The following SYN3 variants were observed in gnomAD, a reference collection of about 807,000 sequenced individuals.
SYN3 encodes synapsin-3.
A neutral mutation model predicts 65.8 loss-of-function variants in SYN3; 35 were observed. The ratio of observed to expected loss-of-function variants is 0.53; its 90% CI spans 0.41 to 0.70. The LOEUF (loss-of-function observed/expected upper bound fraction) is 0.70, where lower values mean the gene tolerates loss of function less well. Ranked by LOEUF, SYN3 falls within the 30% of genes least tolerant of loss-of-function variation. The pLI, the probability that SYN3 is intolerant of heterozygous loss-of-function variation, is 0.00. For missense variants in SYN3, 680 were observed against 749.0 expected (o/e 0.91, Z 1.08); for synonymous variants, 270 against 292.9 (o/e 0.92, Z 0.80).
chr22:32,914,457 A>G (rs1001165275), intron 4 of SYN3, among the ~76,000 whole-genome samples: 38 of 97,202 alleles, frequency 3.9e-4, no homozygotes, highest in African/African-American at 1.4e-3. Context: ...TTTTTTTTTG[A>G]GACGGAGTCT....
intron 6 of SYN3, among the ~76,000 whole-genome samples, chr22:32,734,802 C>CCT (rs563668233): frequency 8.5e-4 from 130 of 152,296 alleles, no homozygotes; most frequent in African/African-American, 3.0e-3. Context: ...GTTTCTACTA[C>CCT]CTGTTATCCA....
At chr22:32,657,874 C>T (rs1025102637) in intron 6 of SYN3, among the ~76,000 whole-genome samples, 6 of 152,336 alleles carry the variant, frequency 3.9e-5, no homozygotes, top group African/African-American at 1.2e-4. Flanking sequence ...CCCCTTGCCA[C>T]CCTAAGTCTC....
At chr22:32,761,373 G>A (rs73156471) in intron 6 of SYN3, among the ~76,000 whole-genome samples, 14,878 of 152,252 alleles carry the variant, frequency 0.098, 904 homozygotes, top group Admixed American at 0.15. Flanking sequence ...GAAGCCATGC[G>A]CGTGAGTCAC....
chr22:32,991,894 GCAGGCCTCCA>G (rs2052727216), intron 2 of SYN3, among the ~76,000 whole-genome samples: 1 of 152,180 alleles, frequency 6.6e-6, no homozygotes, highest in African/African-American at 2.4e-5. Flanking sequence ...CACGTCCCAG[GCAGGCCTCCA>G]CAGGCCCCAA....
chr22:32,626,053 GT>G (rs2059661806), intron 6 of SYN3, among the ~76,000 whole-genome samples: 2 of 152,138 alleles, frequency 1.3e-5, no homozygotes, highest in Non-Finnish European at 2.9e-5. Context: ...AGGAGGAGGT[GT>G]TTGAGATGGA....
chr22:32,810,824 T>G (rs1276971969), intron 6 of SYN3, among the ~76,000 whole-genome samples: 1 of 152,184 alleles, frequency 6.6e-6, no homozygotes, highest in African/African-American at 2.4e-5. Context: ...TGTTTGCATC[T>G]CATGTATTTA....
intron 4 of SYN3, among the ~76,000 whole-genome samples, chr22:32,926,359 A>C (rs1320511413): frequency 1.3e-5 from 2 of 152,326 alleles, no homozygotes; most frequent in East Asian, 3.9e-4. Flanking sequence ...TATTCTCCTA[A>C]TCTCCAATAA....
intron 3 of SYN3, among the ~76,000 whole-genome samples, chr22:32,976,692 C>A (rs1280636292): frequency 6.6e-6 from 1 of 152,152 alleles, no homozygotes. Context: ...TAATAGAATG[C>A]AAAATGTGCT....
At chr22:32,774,515 G>GGGT (rs1452947378) in intron 6 of SYN3, among the ~76,000 whole-genome samples, 1 of 152,192 alleles carries the variant, frequency 6.6e-6, no homozygotes, top group Non-Finnish European at 1.5e-5. Flanking sequence ...AGACTGGGTA[G>GGGT]GGTGCTGTTG....
intron 2 of SYN3, among the ~76,000 whole-genome samples, chr22:32,993,383 T>C (rs1443710325): frequency 6.6e-6 from 1 of 152,172 alleles, no homozygotes; most frequent in African/African-American, 2.4e-5. Flanking sequence ...TGAGATGGAG[T>C]CTTGCTCTGT....
chr22:32,843,950 C>T (rs909036354), intron 6 of SYN3, among the ~76,000 whole-genome samples: 1 of 151,910 alleles, frequency 6.6e-6, no homozygotes. Context: ...TGTGGGGTGG[C>T]GGTGGTATCT....
At chr22:32,669,545 G>A (rs1307680497) in intron 6 of SYN3, among the ~76,000 whole-genome samples, 3 of 152,220 alleles carry the variant, frequency 2.0e-5, no homozygotes, top group Admixed American at 6.5e-5. Context: ...GCTACAGTTG[G>A]AGTAACCACT....
intron 3 of SYN3, among the ~76,000 whole-genome samples, chr22:32,938,206 T>C (rs1384484978): frequency 6.6e-6 from 1 of 152,048 alleles, no homozygotes; most frequent in Non-Finnish European, 1.5e-5. Context: ...CAGAAGATAG[T>C]AGTAAATCTT....
chr22:32,859,284 C>G lies in SYN3; in HGVS notation c.711+5631G>C, dbSNP rs1223343414. Reference sequence around the variant, plus strand: ...GTTACCCTGGCTACCAGTCCAAACACTACGCCTGCATCCGGCAGAAGGGCG... The same window carrying G: ...GTTACCCTGGCTACCAGTCCAAACAGTACGCCTGCATCCGGCAGAAGGGCG... On this transcript the variant is annotated intron_variant, in intron 6 of 13. Transcript: ENST00000358763. 3 of 1,614,222 alleles carry G rather than the reference C, an allele frequency of 1.9e-6. No homozygotes were observed. The highest frequency in any genetic ancestry group is 2.7e-5 in the African/African-American group (2 of 75,070).
chr22:32,806,933 C>A (rs911262874), intron 6 of SYN3, among the ~76,000 whole-genome samples: 1 of 151,938 alleles, frequency 6.6e-6, no homozygotes, highest in Admixed American at 6.6e-5. Context: ...GTAGTTTTTC[C>A]CTTAGAAACA....
chr22:32,804,445 A>G (rs924788197), intron 6 of SYN3, among the ~76,000 whole-genome samples: 7 of 152,194 alleles, frequency 4.6e-5, no homozygotes, highest in Admixed American at 2.0e-4. Context: ...GGACCCACAC[A>G]ACCCCACCAG....
chr22:32,642,316 T>G (rs1390464284), intron 6 of SYN3, among the ~76,000 whole-genome samples: 3 of 151,922 alleles, frequency 2.0e-5, no homozygotes, highest in Non-Finnish European at 1.5e-5. Flanking sequence ...TAAAGAAGTT[T>G]CTGGTTAAGG....
chr22:32,615,510 C>T (rs2059506764), intron 6 of SYN3, among the ~76,000 whole-genome samples: 1 of 148,840 alleles, frequency 6.7e-6, no homozygotes, highest in African/African-American at 2.5e-5. Flanking sequence ...ACAACAGGGG[C>T]ACAGGGTCGC....
intron 3 of SYN3, among the ~76,000 whole-genome samples, chr22:32,975,206 C>G (rs1245648846): frequency 6.6e-6 from 1 of 152,040 alleles, no homozygotes; most frequent in African/African-American, 2.4e-5. Context: ...GAAACCCTGT[C>G]TTTACTAAAA....
Sources: gnomAD v4.1 joint callset for allele counts (sites outside exome capture counted in the v4.1 genomes callset) on GRCh38, gnomAD v4.1.1 for gene constraint, MANE v1.5 for transcripts, NCBI Gene and HGNC (gene_info 2026-07-23, HGNC 2026-07-21) for gene names.